The following SMC2 variants were observed in gnomAD, a reference collection of about 807,000 sequenced individuals.
The protein encoded by SMC2 is structural maintenance of chromosomes protein 2.
Under a neutral mutation model 142.6 loss-of-function variants are expected in SMC2, and 41 were observed. The observed-to-expected ratio is 0.29, with a 90% CI of 0.22 to 0.37. The LOEUF is 0.37. Ranked by LOEUF, SMC2 falls within the 10% of genes least tolerant of loss-of-function variation. The probability of loss-of-function intolerance (pLI) is 1.00; values close to 1 mark genes in which losing one functional copy is unlikely to be tolerated. For missense variants in SMC2, 1,265 were observed against 1,373.7 expected, an observed-to-expected ratio of 0.92 and a Z score of 1.25; for synonymous variants, 463 against 457.5, an observed-to-expected ratio of 1.01 and a Z score of -0.15.
Position 104,123,213 on chromosome 9 carries a change from T to C in SMC2, c.2238T>C (p.Asp746=), listed in dbSNP as rs1204053982. 1 of 1,612,328 alleles carries C rather than the reference T, an allele frequency of 6.2e-7. No homozygotes were observed. Among genetic ancestry groups the C allele is most frequent in the South Asian group, 1.1e-5 (1 of 90,874 alleles). Residue 746 remains aspartate (D), a synonymous_variant, in exon 17 of 25, where the codon GAT becomes GAC. Transcript: ENST00000374793. The stretch of plus-strand genomic sequence containing the variant: ...ATCACAAGCAACAAGAAGAATTAGA[T>C]GCCCTTAAAAAAACCATTGGTAAGA... ...SSYHKQQEEL[D]ALKKTIEESE...
At chr9:104,106,056 GC>G (rs1669159695) in intron 9 of SMC2, among the ~76,000 whole-genome samples, 1 of 152,270 alleles carries the variant, frequency 6.6e-6, no homozygotes, top group South Asian at 2.1e-4. Context: ...GGTCCATAAT[GC>G]CCTAGTCGGA....
rs1832877413 is a variant in SMC2, at chr9:104,114,635, A to G, written c.1533-56A>G. 1.1e-5 allele frequency: 16 copies of G among 1,480,452 alleles called. 1 individual carries two copies. The highest frequency in any genetic ancestry group is 1.8e-4 in the Middle Eastern group (1 of 5,678). 91.7% of individuals were successfully genotyped at this position (1,480,452 alleles called of 1,614,324 possible). ...CAAAAGAGCTCCTGATGAGTAAAGT[A>G]TAACTTTTTCTACTTTATTATCTAA... On this transcript the variant is annotated intron_variant, in intron 12 of 24. Transcript: ENST00000374793.
At chr9:104,094,668 A>G (rs898727389) in intron 1 of SMC2, 191 bp downstream of exon 1, 8 of 373,082 alleles carry the variant, frequency 2.1e-5, no homozygotes, top group Non-Finnish European at 3.8e-5. Context: ...AGGTGTAGAC[A>G]GGCCTGGAGA....
chr9:104,103,191 G>C (rs1420486028), intron 9 of SMC2, among the ~76,000 whole-genome samples: 5 of 152,210 alleles, frequency 3.3e-5, no homozygotes, highest in Admixed American at 1.3e-4. Context: ...ACATTCAAAA[G>C]AGATTGAGTA....
At chr9:104,094,203 T>C (rs1288344148), upstream of SMC2, 1 of 394,480 alleles carries the variant, frequency 2.5e-6, no homozygotes, top group Non-Finnish European at 4.5e-6. Context: ...GCGGCTTTAA[T>C]CCTTCGAGTG....
chr9:104,120,953 C>G (rs981998545), intron 16 of SMC2, among the ~76,000 whole-genome samples: 3 of 152,054 alleles, frequency 2.0e-5, no homozygotes, highest in African/African-American at 4.8e-5. Flanking sequence ...AAACATGTTA[C>G]TAGTTCTAAG....
intron 6 of SMC2, 82 bp from the exon 7 acceptor site, chr9:104,100,305 CAT>C: frequency 2.2e-6 from 3 of 1,393,308 alleles, no homozygotes; most frequent in Non-Finnish European, 3.0e-6. Flanking sequence ...TTCAGTTTTC[CAT>C]AGTCATCCCT....
chr9:104,127,330 G>A lies in SMC2; in HGVS notation c.2640G>A (p.Glu880=). 1 of 1,603,920 alleles carries A rather than the reference G, an allele frequency of 6.2e-7. No homozygotes were observed. The highest frequency in any genetic ancestry group is 8.5e-7 in the Non-Finnish European group (1 of 1,174,472). The stretch of plus-strand genomic sequence containing the variant: ...AAGAAGAGGTGACCAAGCAAAAAGA[G>A]GTGATAACAGCCCAAGACACTGTAA... ...KAQEEVTKQK[E]VITAQDTVIK... Residue 880 remains glutamate, a synonymous_variant, in exon 20 of 25, where the codon GAG becomes GAA. Transcript: ENST00000374793.
intron 9 of SMC2, among the ~76,000 whole-genome samples, chr9:104,103,430 A>G (rs1326822360): frequency 6.6e-6 from 1 of 152,218 alleles, no homozygotes; most frequent in Non-Finnish European, 1.5e-5. Context: ...TTGATTTGAC[A>G]TGGGATAAAT....
At chr9:104,095,598 G>A in intron 2 of SMC2, 46 bp downstream of exon 2, 1 of 1,489,210 alleles carries the variant, frequency 6.7e-7, no homozygotes, top group Non-Finnish European at 9.3e-7. Flanking sequence ...GTTGGCAGGA[G>A]AATCCTCACT....
In SMC2 at chr9:104,126,866, G is replaced by A; in HGVS notation, c.2595+82G>A. 8.4e-6 allele frequency: 11 copies of A among 1,317,252 alleles called. No homozygotes were observed. The South Asian group carries it at 1.5e-4, about 18-fold the overall frequency. The allele number at this position is 1,317,252 out of a possible 1,614,324, so 81.6% of individuals were successfully genotyped here. Reference sequence around the variant, plus strand: ...TTAGCTTAAGATGTTTGACTTTAGTGTTCTCAGTCTTTTCACTCGTCATCA... The same window carrying A: ...TTAGCTTAAGATGTTTGACTTTAGTATTCTCAGTCTTTTCACTCGTCATCA... On this transcript the variant is annotated intron_variant, in intron 19 of 24. Coordinates refer to ENST00000374793, the MANE Select transcript of SMC2 (RefSeq NM_006444.3).
chr9:104,101,400 C>T (rs1162735834), intron 7 of SMC2, among the ~76,000 whole-genome samples: 2 of 152,152 alleles, frequency 1.3e-5, no homozygotes, highest in Admixed American at 1.3e-4. Flanking sequence ...GTAGAAAACA[C>T]TAGATCAGGA....
At position 104,125,003 on chromosome 9, in the gene SMC2, A is replaced by C; in HGVS notation, c.2349A>C (p.Ala783=). ...TATTGGAAAATAAAATGAAAAATGC[A>C]GAAGCTGAAAGAGAGCGAGAACTGA... ...YEVLENKMKN[A]EAERERELKD... Residue 783 remains alanine (A), a synonymous_variant, in exon 18 of 25, where the codon GCA becomes GCC. Coordinates refer to ENST00000374793, the MANE Select transcript of SMC2 (RefSeq NM_006444.3). 1 of 1,606,552 alleles carries C rather than the reference A, an allele frequency of 6.2e-7. No homozygotes were observed. The highest frequency in any genetic ancestry group is 8.5e-7 in the Non-Finnish European group (1 of 1,178,248).
intron 4 of SMC2, among the ~76,000 whole-genome samples, chr9:104,099,246 A>T (rs1233286055): frequency 1.3e-5 from 2 of 152,116 alleles, no homozygotes; most frequent in African/African-American, 2.4e-5. Context: ...GAAGTATGTC[A>T]TCTGTTTTGT....
intron 23 of SMC2, among the ~76,000 whole-genome samples, chr9:104,137,811 AGAG>A (rs149984214): frequency 0.056 from 8,577 of 152,086 alleles, 646 homozygotes; most frequent in African/African-American, 0.18. Context: ...GCTTCCGAAA[AGAG>A]GAGAAATGGA....
At chr9:104,113,194 C>T in intron 10 of SMC2, 122 bp from the exon 11 acceptor site, 1 of 632,760 alleles carries the variant, frequency 1.6e-6, no homozygotes, top group Non-Finnish European at 2.5e-6. Context: ...ATCCAAGAGA[C>T]CAAACAATTA....
In SMC2 at chr9:104,140,335, A is replaced by G. The variant is rs1465135251; in HGVS notation, c.*1020A>G. On this transcript the variant is annotated 3_prime_UTR_variant, in exon 25 of 25. Transcript: ENST00000374793. The stretch of plus-strand genomic sequence containing the variant: ...ATTCCTTTAGAACTTGAAAGATGAC[A>G]CTAGCGAACACCATGAGAATACTGT... The G allele has an allele frequency of 6.6e-6, 1 of 152,156 alleles. No individual in the cohort carries two copies. The highest frequency in any genetic ancestry group is 1.5e-5 in the Non-Finnish European group (1 of 68,010). The allele number at this position is 152,156 out of a possible 1,614,324, so 9.4% of individuals were successfully genotyped here.
chr9:104,129,443 G>A (rs566853554), intron 20 of SMC2, among the ~76,000 whole-genome samples: 16 of 151,318 alleles, frequency 1.1e-4, no homozygotes, highest in Admixed American at 2.0e-4. Flanking sequence ...TGTAAGTTGC[G>A]GTCAGCCAAG....
intron 3 of SMC2, among the ~76,000 whole-genome samples, chr9:104,098,024 A>C (rs1267494828): frequency 1.3e-5 from 2 of 152,238 alleles, no homozygotes; most frequent in Non-Finnish European, 2.9e-5. Context: ...CTTTATTAAT[A>C]GCTTTTTGAA....
Sources: gnomAD v4.1 joint callset for allele counts (sites outside exome capture counted in the v4.1 genomes callset) on GRCh38, gnomAD v4.1.1 for gene constraint, MANE v1.5 for transcripts, NCBI Gene and HGNC (gene_info 2026-07-23, HGNC 2026-07-21) for gene names.